The following MALRD1 variants were observed in gnomAD, a reference collection of about 807,000 sequenced individuals.
MALRD1 encodes the protein MAM and LDL receptor class A domain containing 1.
A neutral mutation model predicts 242.1 loss-of-function variants in MALRD1; 247 were observed. The observed-to-expected ratio is 1.02, with a 90% confidence interval of 0.92 to 1.13. The LOEUF is 1.13. Among genes scored for constraint, MALRD1 ranks in the 50% most tolerant of loss-of-function variants. MALRD1 has a pLI of 0.00. For missense variants in MALRD1, 2,989 were observed against 2,533.1 expected (o/e 1.18, Z -3.86); for synonymous variants, 995 against 866.6 (o/e 1.15, Z -2.60).
intron 36 of MALRD1, among the ~76,000 whole-genome samples, chr10:19,619,776 G>A (rs1263876280): frequency 6.6e-6 from 1 of 151,896 alleles, no homozygotes; most frequent in African/African-American, 2.4e-5. Flanking sequence ...CTGATAATTT[G>A]TTCAAGATAT....
intron 36 of MALRD1, among the ~76,000 whole-genome samples, chr10:19,665,997 G>A (rs951085343): frequency 1.3e-5 from 2 of 151,900 alleles, no homozygotes; most frequent in Admixed American, 6.6e-5. Flanking sequence ...CAAGTCAAAT[G>A]GTCGGAATTC....
chr10:19,407,631 G>A (rs531147341), intron 28 of MALRD1, among the ~76,000 whole-genome samples: 1 of 152,188 alleles, frequency 6.6e-6, no homozygotes, highest in African/African-American at 2.4e-5. Flanking sequence ...TACCACTATA[G>A]TGATCAGGAT....
chr10:19,514,800 A>G (rs1489358700), intron 31 of MALRD1, among the ~76,000 whole-genome samples: 1 of 152,162 alleles, frequency 6.6e-6, no homozygotes, highest in Non-Finnish European at 1.5e-5. Flanking sequence ...ATCTAAAAGG[A>G]AAGCCTTTTA....
At position 19,188,966 on chromosome 10, in the gene MALRD1, A is replaced by G. The variant is rs1835855906; in HGVS notation, c.1951+13638A>G. 2.0e-5 allele frequency among the ~76,000 whole-genome samples: 3 copies of G among 152,210 alleles called. No homozygotes were observed. The South Asian group carries it at 6.2e-4, about 31-fold the overall frequency. ...ATATAAAGATAATAAAGCAAATCAA[A>G]GAAATCAAACATTGGTTCTTCAAAA... On this transcript the variant is annotated intron_variant, in intron 14 of 39. Coordinates refer to ENST00000454679, the MANE Select transcript of MALRD1 (RefSeq NM_001142308.3).
At chr10:19,656,898 G>C (rs1159610882) in intron 36 of MALRD1, among the ~76,000 whole-genome samples, 1 of 152,114 alleles carries the variant, frequency 6.6e-6, no homozygotes, top group Non-Finnish European at 1.5e-5. Flanking sequence ...AGCACTTGCA[G>C]TTTTGTTGTG....
intron 36 of MALRD1, among the ~76,000 whole-genome samples, chr10:19,634,902 A>C (rs1048921199): frequency 3.3e-5 from 5 of 152,194 alleles, no homozygotes; most frequent in Non-Finnish European, 7.3e-5. Context: ...CAGGTTGGTG[A>C]AATAGAGGTT....
At chr10:19,674,865 T>G (rs1842071500) in intron 36 of MALRD1, among the ~76,000 whole-genome samples, 2 of 152,006 alleles carry the variant, frequency 1.3e-5, no homozygotes, top group Non-Finnish European at 2.9e-5. Flanking sequence ...CTTCCTTTTT[T>G]TTTTCTATCC....
chr10:19,638,107 AAAAAAAAAAAAAAAAAAAAAAT>A (rs1240987859), intron 36 of MALRD1, among the ~76,000 whole-genome samples: 3 of 135,394 alleles, frequency 2.2e-5, no homozygotes, highest in African/African-American at 1.1e-4. Context: ...CTCTCAAAAA[AAAAAAAAAAAAAAAAAAAAAAT>A]AGAATTCGGT....
At chr10:19,282,194 C>T (rs766547343) in intron 20 of MALRD1, among the ~76,000 whole-genome samples, 14 of 152,028 alleles carry the variant, frequency 9.2e-5, no homozygotes, top group Non-Finnish European at 1.8e-4. Context: ...TCCTAAATCC[C>T]TTCACAAGAT....
At chr10:19,635,324 G>A (rs1241592469) in intron 36 of MALRD1, among the ~76,000 whole-genome samples, 1 of 152,068 alleles carries the variant, frequency 6.6e-6, no homozygotes, top group Non-Finnish European at 1.5e-5. Context: ...AAAATAATAA[G>A]TCAACTGAAA....
At chr10:19,325,007 T>A (rs1256518295) in intron 22 of MALRD1, among the ~76,000 whole-genome samples, 1 of 19,258 alleles carries the variant, frequency 5.2e-5, no homozygotes, top group Non-Finnish European at 1.7e-4. Context: ...CAGTAGTTGC[T>A]TTTTTTTTTT....
chr10:19,727,004 G>A (rs764761944), intron 38 of MALRD1, among the ~76,000 whole-genome samples: 1 of 152,134 alleles, frequency 6.6e-6, no homozygotes, highest in Non-Finnish European at 1.5e-5. Flanking sequence ...AAAACATTTT[G>A]GAAATAGTGG....
intron 32 of MALRD1, among the ~76,000 whole-genome samples, chr10:19,546,962 A>T (rs1172978410): frequency 6.6e-6 from 1 of 152,216 alleles, no homozygotes; most frequent in Non-Finnish European, 1.5e-5. Flanking sequence ...AATTCAGCTT[A>T]GAAATTCATT....
At chr10:19,598,029 C>A (rs1362549520) in intron 34 of MALRD1, among the ~76,000 whole-genome samples, 2 of 152,124 alleles carry the variant, frequency 1.3e-5, no homozygotes, top group African/African-American at 4.8e-5. Flanking sequence ...GGACCCAGAT[C>A]TTGCAGAATC....
In MALRD1 at chr10:19,450,381, C is replaced by T; in HGVS notation, c.4920C>T (p.Ile1640=). 1 of 1,550,078 alleles carries T rather than the reference C, an allele frequency of 6.5e-7. No homozygotes were observed. Among genetic ancestry groups the T allele is most frequent in the East Asian group, 2.4e-5 (1 of 40,898 alleles). ...GTAATCATTGGCAAAAGGCTGACAT[C>T]CTGCTAGGAAAGTTAAGGAATTTTG... ...NPGNHWQKAD[I]LLGKLRNFEV... The change falls in exon 29 of 40, where the codon ATC becomes ATT. Residue 1640 remains isoleucine (I), a synonymous_variant. Transcript: ENST00000454679.
At chr10:19,337,678 T>C (rs1564573756) in intron 24 of MALRD1, among the ~76,000 whole-genome samples, 1 of 152,170 alleles carries the variant, frequency 6.6e-6, no homozygotes, top group Admixed American at 6.6e-5. Flanking sequence ...TACAAATATT[T>C]ATCATCATTT....
intron 28 of MALRD1, among the ~76,000 whole-genome samples, chr10:19,449,214 G>T (rs1016817720): frequency 6.6e-6 from 1 of 152,150 alleles, no homozygotes; most frequent in African/African-American, 2.4e-5. Flanking sequence ...GTCTCACTCT[G>T]TTGCCAGGCT....
chr10:19,364,502 TAAGGC>T (rs1317068744), intron 26 of MALRD1, among the ~76,000 whole-genome samples: 1 of 152,190 alleles, frequency 6.6e-6, no homozygotes, highest in Non-Finnish European at 1.5e-5. Context: ...TACTGAAATA[TAAGGC>T]AAGTTTGAAA....
chr10:19,204,880 A>G lies in MALRD1; in HGVS notation c.2211-18A>G. The stretch of plus-strand genomic sequence containing the variant: ...ATTCTATAAATCACTTCCATTTCTT[A>G]CGTTTACTCTTTTTTAGGTTCTATA... On this transcript the variant is annotated intron_variant, in intron 16 of 39. Coordinates refer to ENST00000454679, the MANE Select transcript of MALRD1 (RefSeq NM_001142308.3). 6.6e-7 allele frequency: 1 copy of G among 1,520,140 alleles called. No homozygotes were observed. Among genetic ancestry groups the G allele is most frequent in the Admixed American group, 2.2e-5 (1 of 46,484 alleles). The allele number at this position is 1,520,140 out of a possible 1,614,324, so 94.2% of individuals were successfully genotyped here.
Sources: allele counts gnomAD v4.1 joint callset (sites outside exome capture counted in the v4.1 genomes callset), GRCh38; gene constraint gnomAD v4.1.1; transcripts MANE v1.5; gene names NCBI Gene and HGNC (gene_info 2026-07-23, HGNC 2026-07-21).